The following REV3L variants were observed in gnomAD, a reference collection of about 807,000 sequenced individuals.
REV3L encodes REV3 like, DNA directed polymerase zeta catalytic subunit.
In REV3L, 69 loss-of-function variants were observed where a neutral mutation model predicts 299.4. The observed-to-expected ratio is 0.23, with a 90% confidence interval of 0.19 to 0.28. REV3L has a LOEUF of 0.28. Among genes scored for constraint, REV3L ranks in the 10% least tolerant of loss-of-function variants. REV3L has a pLI of 1.00. For synonymous variants in REV3L, 1,238 were observed against 1,271.4 expected (o/e 0.97, Z 0.56); for missense variants, 3,128 against 3,693.8 (o/e 0.85, Z 3.97).
intron 1 of REV3L, among the ~76,000 whole-genome samples, chr6:111,425,043 T>C (rs1222185843): frequency 6.6e-6 from 1 of 152,196 alleles, no homozygotes. Flanking sequence ...TTGCCTCTGG[T>C]TGATCTTGAG....
chr6:111,432,583 G>T (rs1157074649), intron 1 of REV3L, among the ~76,000 whole-genome samples: 1 of 152,180 alleles, frequency 6.6e-6, no homozygotes, highest in Non-Finnish European at 1.5e-5. Flanking sequence ...AGGAGAGACA[G>T]ACTGCAATAC....
At chr6:111,474,988 TACACACACACACACAC>T (rs36213449) in intron 1 of REV3L, among the ~76,000 whole-genome samples, 1 of 145,844 alleles carries the variant, frequency 6.9e-6, no homozygotes, top group African/African-American at 2.6e-5. Flanking sequence ...TGCCTATATA[TACACACACACACACAC>T]ACACACACAC....
chr6:111,386,181 A>G (rs749740902), intron 9 of REV3L, among the ~76,000 whole-genome samples: 23 of 152,228 alleles, frequency 1.5e-4, no homozygotes, highest in Admixed American at 8.5e-4. Flanking sequence ...AAGCTCCTGC[A>G]CATAGCCATA....
At chr6:111,387,369 T>C (rs907267657) in intron 9 of REV3L, among the ~76,000 whole-genome samples, 2 of 152,142 alleles carry the variant, frequency 1.3e-5, no homozygotes, top group South Asian at 2.1e-4. Context: ...TTGTAAATCA[T>C]TGAATTATAC....
chr6:111,452,156 A>AT (rs1470158111), intron 1 of REV3L, among the ~76,000 whole-genome samples: 2 of 152,242 alleles, frequency 1.3e-5, no homozygotes, highest in South Asian at 2.1e-4. Flanking sequence ...CCACAATGAG[A>AT]TATCATTACA....
chr6:111,339,102 T>G (rs1177559980), intron 21 of REV3L, among the ~76,000 whole-genome samples: 2 of 152,192 alleles, frequency 1.3e-5, no homozygotes, highest in East Asian at 1.9e-4. Context: ...CTGCTATTAT[T>G]ATGATAATTA....
Position 111,387,985 on chromosome 6 carries a change from A to G in REV3L, c.947+16T>C. 6.2e-7 allele frequency: 1 copy of G among 1,608,692 alleles called. No individual in the cohort carries two copies. Among genetic ancestry groups the G allele is most frequent in the Non-Finnish European group, 8.5e-7 (1 of 1,175,800 alleles). Reference sequence around the variant, plus strand: ...AATAAAATTAGTTCTGAGATCTATAATAAATAACCACTTACACAGAGAAAT... The same window carrying G: ...AATAAAATTAGTTCTGAGATCTATAGTAAATAACCACTTACACAGAGAAAT... On this transcript the variant is annotated intron_variant, in intron 8 of 31. Coordinates refer to ENST00000368802, the MANE Select transcript of REV3L (RefSeq NM_001372078.1).
At chr6:111,387,696 C>A in intron 9 of REV3L, 69 bp downstream of exon 9, 1 of 1,435,074 alleles carries the variant, frequency 7.0e-7, no homozygotes, top group Non-Finnish European at 9.6e-7. Context: ...CAAACTCAAT[C>A]AAATATTAAC....
intron 31 of REV3L, among the ~76,000 whole-genome samples, chr6:111,303,351 ATTT>A (rs987685906): frequency 7.5e-6 from 1 of 133,650 alleles, no homozygotes; most frequent in African/African-American, 2.8e-5. Flanking sequence ...TTAAATTTTA[ATTT>A]TTATTATTTT....
intron 1 of REV3L, among the ~76,000 whole-genome samples, chr6:111,458,128 T>G (rs563430246): frequency 3.9e-5 from 6 of 152,282 alleles, no homozygotes; most frequent in African/African-American, 1.4e-4. Context: ...GATGCAAGGT[T>G]GGTTCAACAT....
rs200669933 is a variant in REV3L at position 111,382,783 on chromosome 6, AC to A, written c.1097-1340del. 5.6e-4 allele frequency among the ~76,000 whole-genome samples: 84 copies of A among 151,032 alleles called. No homozygotes were observed. The Middle Eastern group carries it at 0.014, about 24-fold the overall frequency. ...GGGCAGCTAAAGAATTATTTGTGTC[AC>A]CCCCCCTCCCCCAACCTTCACAGTC... On this transcript the variant is annotated intron_variant, in intron 9 of 31. Transcript: ENST00000368802.
intron 4 of REV3L, 92 bp from the exon 5 acceptor site, chr6:111,393,064 G>A: frequency 2.7e-6 from 2 of 748,050 alleles, no homozygotes; most frequent in East Asian, 2.8e-5. Flanking sequence ...TTGAGATGGA[G>A]TCTCGCTTTG....
At chr6:111,311,974 A>AT (rs1264763622) in intron 28 of REV3L, 2 of 152,040 alleles carry the variant, frequency 1.3e-5, no homozygotes, top group Non-Finnish European at 2.9e-5. Flanking sequence ...CGCCCGGCTA[A>AT]TTTTTTGTTT....
chr6:111,385,946 C>A (rs1181813069), intron 9 of REV3L, among the ~76,000 whole-genome samples: 1 of 152,122 alleles, frequency 6.6e-6, no homozygotes, highest in Admixed American at 6.6e-5. Flanking sequence ...ATTATTTTAT[C>A]CTTATTATTT....
chr6:111,439,535 TG>T (rs1451178614), intron 1 of REV3L, among the ~76,000 whole-genome samples: 1 of 152,174 alleles, frequency 6.6e-6, no homozygotes, highest in Non-Finnish European at 1.5e-5. Flanking sequence ...TGAAGCACAT[TG>T]GAAAAGTGAA....
chr6:111,346,630 T>G (rs144547139), intron 20 of REV3L, among the ~76,000 whole-genome samples: 1 of 152,314 alleles, frequency 6.6e-6, no homozygotes, highest in African/African-American at 2.4e-5. Flanking sequence ...ACTATATGTG[T>G]GTGCCACTGT....
chr6:111,448,346 C>CT (rs891225097), intron 1 of REV3L, among the ~76,000 whole-genome samples: 125 of 147,166 alleles, frequency 8.5e-4, no homozygotes, highest in Middle Eastern at 3.5e-3. Flanking sequence ...TTTTTCTTTT[C>CT]TTTTTTTTTT....
At chr6:111,449,163 G>C (rs1268210392) in intron 1 of REV3L, among the ~76,000 whole-genome samples, 1 of 152,128 alleles carries the variant, frequency 6.6e-6, no homozygotes, top group Non-Finnish European at 1.5e-5. Context: ...AAACAGAAAA[G>C]CATGTAAATC....
At chr6:111,341,343 C>T (rs752938244) in intron 21 of REV3L, among the ~76,000 whole-genome samples, 3 of 152,194 alleles carry the variant, frequency 2.0e-5, no homozygotes, top group Non-Finnish European at 4.4e-5. Flanking sequence ...CCACTGCACT[C>T]AGCCAACTTC....
Sources: gnomAD v4.1 joint callset for allele counts (sites outside exome capture counted in the v4.1 genomes callset) on GRCh38, gnomAD v4.1.1 for gene constraint, MANE v1.5 for transcripts, NCBI Gene and HGNC (gene_info 2026-07-23, HGNC 2026-07-21) for gene names.